Variants in PTPRO observed in about 807,000 individuals in gnomAD.
PTPRO encodes receptor-type tyrosine-protein phosphatase O.
In PTPRO, 62 loss-of-function variants were observed where a neutral mutation model predicts 145.2. The observed-to-expected ratio is 0.43, with a 90% CI of 0.35 to 0.53. PTPRO has a LOEUF of 0.53. Among genes scored for constraint, PTPRO ranks in the 20% least tolerant of loss-of-function variants. The pLI is 0.01. For synonymous variants in PTPRO, 565 were observed against 514.7 expected, an observed-to-expected ratio of 1.10 and a Z score of -1.32; for missense variants, 1,345 against 1,482.7, an observed-to-expected ratio of 0.91 and a Z score of 1.53.
At chr12:15,456,511 G>A (rs1941181731) in intron 1 of PTPRO, among the ~76,000 whole-genome samples, 1 of 152,186 alleles carries the variant, frequency 6.6e-6, no homozygotes, top group African/African-American at 2.4e-5. Flanking sequence ...GGCCTAATAA[G>A]ATGAGTTTGG....
At chr12:15,508,004 G>C (rs919477042) in intron 6 of PTPRO, among the ~76,000 whole-genome samples, 1 of 152,182 alleles carries the variant, frequency 6.6e-6, no homozygotes, top group African/African-American at 2.4e-5. Flanking sequence ...GACATTTTAT[G>C]GTAAGGATCC....
At chr12:15,551,933 A>T (rs775812768) in intron 15 of PTPRO, among the ~76,000 whole-genome samples, 1 of 152,038 alleles carries the variant, frequency 6.6e-6, no homozygotes, top group East Asian at 1.9e-4. Flanking sequence ...GAAGTAGCCC[A>T]TATATGGAGA....
intron 19 of PTPRO, among the ~76,000 whole-genome samples, chr12:15,572,471 A>T (rs1328635627): frequency 6.6e-6 from 1 of 152,230 alleles, no homozygotes; most frequent in South Asian, 2.1e-4. Flanking sequence ...GTTAAGCTAC[A>T]TCATCTTCAT....
intron 18 of PTPRO, among the ~76,000 whole-genome samples, chr12:15,567,974 A>T (rs1417196265): frequency 5.9e-5 from 9 of 152,184 alleles, no homozygotes; most frequent in Non-Finnish European, 1.2e-4. Flanking sequence ...TAAATGAGTT[A>T]TTGTTATTAA....
chr12:15,521,487 T>A (rs560848523), intron 10 of PTPRO, among the ~76,000 whole-genome samples: 1 of 152,354 alleles, frequency 6.6e-6, no homozygotes, highest in Non-Finnish European at 1.5e-5. Context: ...ATAATTCTTA[T>A]AATTTAACTA....
intron 1 of PTPRO, among the ~76,000 whole-genome samples, chr12:15,392,334 C>A (rs1178265354): frequency 6.6e-6 from 1 of 152,192 alleles, no homozygotes; most frequent in Non-Finnish European, 1.5e-5. Flanking sequence ...CACCAACTGG[C>A]TATAGCCATA....
chr12:15,513,136 G>A (rs28557773), intron 7 of PTPRO, among the ~76,000 whole-genome samples: 399 of 11,896 alleles, frequency 0.034, 3 homozygotes, highest in Admixed American at 0.055. Context: ...AGGAAGGAAG[G>A]AAGGAAGAAA....
intron 1 of PTPRO, among the ~76,000 whole-genome samples, chr12:15,369,965 T>G (rs1938473822): frequency 6.6e-6 from 1 of 152,056 alleles, no homozygotes; most frequent in African/African-American, 2.4e-5. Flanking sequence ...GACAGGAGAA[T>G]TGCTTGAACC....
At chr12:15,339,604 AGTC>A (rs1866900038) in intron 1 of PTPRO, among the ~76,000 whole-genome samples, 1 of 152,196 alleles carries the variant, frequency 6.6e-6, no homozygotes, top group Non-Finnish European at 1.5e-5. Context: ...TCAGTAAATT[AGTC>A]CCTAGACTTA....
At chr12:15,513,742 T>C (rs1238046688) in intron 7 of PTPRO, among the ~76,000 whole-genome samples, 7 of 152,178 alleles carry the variant, frequency 4.6e-5, no homozygotes, top group Non-Finnish European at 7.4e-5. Context: ...ATTTTATGTA[T>C]CCAAAAGGCC....
intron 2 of PTPRO, among the ~76,000 whole-genome samples, chr12:15,494,230 A>G (rs924367187): frequency 6.6e-6 from 1 of 152,214 alleles, no homozygotes; most frequent in African/African-American, 2.4e-5. Context: ...ACATCTGTGG[A>G]CAAGAAAGTA....
intron 1 of PTPRO, among the ~76,000 whole-genome samples, chr12:15,345,376 A>G (rs1867165947): frequency 6.6e-6 from 1 of 152,228 alleles, no homozygotes; most frequent in Non-Finnish European, 1.5e-5. Context: ...CATCAATGAT[A>G]GACTGGATGA....
intron 1 of PTPRO, among the ~76,000 whole-genome samples, chr12:15,394,878 C>T (rs1939293333): frequency 6.6e-6 from 1 of 152,068 alleles, no homozygotes; most frequent in Non-Finnish European, 1.5e-5. Flanking sequence ...AGACTTCAAC[C>T]CAAACTCTAC....
intron 1 of PTPRO, among the ~76,000 whole-genome samples, chr12:15,372,482 A>C (rs1938560112): frequency 6.6e-6 from 1 of 152,216 alleles, no homozygotes; most frequent in Non-Finnish European, 1.5e-5. Flanking sequence ...AATATGTGGC[A>C]GCGAAAATGC....
intron 23 of PTPRO, among the ~76,000 whole-genome samples, chr12:15,585,331 T>C (rs1425752831): frequency 6.6e-6 from 1 of 152,178 alleles, no homozygotes; most frequent in Admixed American, 6.5e-5. Context: ...TGCACAATTC[T>C]TTATGCCCAA....
intron 18 of PTPRO, among the ~76,000 whole-genome samples, chr12:15,568,213 T>G (rs1365497127): frequency 6.6e-6 from 1 of 151,810 alleles, no homozygotes; most frequent in East Asian, 1.9e-4. Context: ...GTGGATCACT[T>G]GAGGTCAGGA....
chr12:15,483,317 TGGAGCAAAG>T (rs1941818724), intron 1 of PTPRO, among the ~76,000 whole-genome samples: 1 of 152,140 alleles, frequency 6.6e-6, no homozygotes, highest in Non-Finnish European at 1.5e-5. Context: ...TTTGGAGACT[TGGAGCAAAG>T]TTTTTAAAAA....
At chr12:15,524,700 G>A in intron 10 of PTPRO, 114 bp from the exon 11 acceptor site, 1 of 1,129,164 alleles carries the variant, frequency 8.9e-7, no homozygotes, top group East Asian at 2.5e-5. Context: ...GGACTATCGT[G>A]TGCTGTGAAT....
rs1373149013 is a variant in PTPRO, at chr12:15,587,018, C to T, written c.3377C>T (p.Thr1126Ile). The change falls in exon 24 of 27, where the codon ACC becomes ATC. Residue 1126 changes from threonine (T) to isoleucine (I), a missense_variant. Thr to Ile is a moderately conservative substitution (Grantham distance 89). Around this residue, in one of 3 missense-constraint regions of PTPRO, gnomAD observed 208 missense variants for 242.8 expected, o/e 0.86. Transcript: ENST00000281171. The stretch of plus-strand genomic sequence containing the variant: ...GTACACATGGTCCGACAGCAAGCTA[C>T]CAAGAGCAAAGGTCCCATGATCATT... ...QFVHMVRQQA[T>I]KSKGPMIIHC... The T allele has an allele frequency of 1.2e-6, 2 of 1,614,084 alleles. No individual in the cohort carries two copies. Among genetic ancestry groups the T allele is most frequent in the South Asian group, 1.1e-5 (1 of 91,076 alleles).
Sources: allele counts gnomAD v4.1 joint callset (sites outside exome capture counted in the v4.1 genomes callset), GRCh38; gene constraint gnomAD v4.1.1; regional missense constraint gnomAD v4.1.1; transcripts MANE v1.5; gene names NCBI Gene and HGNC (gene_info 2026-07-23, HGNC 2026-07-21).